The following CCSER1 variants were observed in gnomAD, a reference collection of about 807,000 sequenced individuals.
The protein encoded by CCSER1 is serine-rich coiled-coil domain-containing protein 1.
Under a neutral mutation model 82.0 loss-of-function variants are expected in CCSER1, and 41 were observed. The observed-to-expected ratio is 0.50, with a 90% CI of 0.39 to 0.65. The LOEUF (loss-of-function observed/expected upper bound fraction) is 0.65, where lower values mean the gene tolerates loss of function less well. CCSER1 is among the 30% of genes least tolerant of loss of function. The pLI is 0.00. For missense variants in CCSER1, 1,119 were observed against 1,064.2 expected, an observed-to-expected ratio of 1.05 and a Z score of -0.72; for synonymous variants, 414 against 383.9, an observed-to-expected ratio of 1.08 and a Z score of -0.92.
intron 4 of CCSER1, among the ~76,000 whole-genome samples, chr4:90,457,190 G>A (rs1762282123): frequency 6.6e-6 from 1 of 152,200 alleles, no homozygotes; most frequent in Non-Finnish European, 1.5e-5. Context: ...TCCACTGCAG[G>A]CACCAGGGAA....
At chr4:91,107,682 G>A (rs1297437596) in intron 10 of CCSER1, among the ~76,000 whole-genome samples, 1 of 143,308 alleles carries the variant, frequency 7.0e-6, no homozygotes, top group East Asian at 2.0e-4. Context: ...GAAAAAATTC[G>A]AATGATAAAA....
chr4:90,526,123 G>T (rs981750469), intron 5 of CCSER1, among the ~76,000 whole-genome samples: 2 of 151,962 alleles, frequency 1.3e-5, no homozygotes, highest in South Asian at 2.1e-4. Flanking sequence ...AATTGAGAAG[G>T]TATATGTAAT....
At chr4:91,359,526 T>G (rs2149310588) in intron 10 of CCSER1, among the ~76,000 whole-genome samples, 1 of 151,942 alleles carries the variant, frequency 6.6e-6, no homozygotes, top group South Asian at 2.1e-4. Flanking sequence ...TATTTTAGAG[T>G]AGTTTAATTT....
intron 10 of CCSER1, among the ~76,000 whole-genome samples, chr4:91,509,357 G>A (rs1343841975): frequency 6.6e-6 from 1 of 151,924 alleles, no homozygotes; most frequent in Non-Finnish European, 1.5e-5. Context: ...ATTTATAACT[G>A]TGTTATTTAA....
chr4:90,432,526 T>A (rs993527351), intron 4 of CCSER1, among the ~76,000 whole-genome samples: 9 of 152,152 alleles, frequency 5.9e-5, no homozygotes, highest in Non-Finnish European at 1.0e-4. Flanking sequence ...CTCCACCTTC[T>A]TGTTCTTCTT....
chr4:91,215,333 T>C (rs1193447337), intron 10 of CCSER1, among the ~76,000 whole-genome samples: 1 of 152,168 alleles, frequency 6.6e-6, no homozygotes, highest in South Asian at 2.1e-4. Context: ...AAAGATACTA[T>C]ACATATTTAT....
chr4:90,519,558 A>C (rs1458348449), intron 5 of CCSER1, among the ~76,000 whole-genome samples: 3 of 151,958 alleles, frequency 2.0e-5, no homozygotes, highest in Non-Finnish European at 4.4e-5. Context: ...AATTGGTATT[A>C]ATACATTATA....
chr4:91,243,073 G>A (rs1739493367), intron 10 of CCSER1, among the ~76,000 whole-genome samples: 1 of 152,196 alleles, frequency 6.6e-6, no homozygotes, highest in Admixed American at 6.5e-5. Context: ...CATGTAGCAT[G>A]GAGAGAGAAT....
intron 10 of CCSER1, among the ~76,000 whole-genome samples, chr4:91,593,114 C>A (rs1489320880): frequency 6.6e-6 from 1 of 152,094 alleles, no homozygotes; most frequent in Non-Finnish European, 1.5e-5. Flanking sequence ...TGCACATTGG[C>A]ATGATTATTG....
intron 10 of CCSER1, among the ~76,000 whole-genome samples, chr4:91,516,565 T>C (rs1488061728): frequency 6.6e-6 from 1 of 152,176 alleles, no homozygotes; most frequent in Non-Finnish European, 1.5e-5. Context: ...CATTGGTCTA[T>C]ATGTCTGTTT....
intron 6 of CCSER1, among the ~76,000 whole-genome samples, chr4:90,699,804 G>A (rs1163518132): frequency 6.6e-6 from 1 of 151,936 alleles, no homozygotes; most frequent in African/African-American, 2.4e-5. Context: ...ACCTTTGAGG[G>A]GTGATTCAGT....
At chr4:90,224,883 C>T (rs1476378193) in intron 1 of CCSER1, among the ~76,000 whole-genome samples, 1 of 152,050 alleles carries the variant, frequency 6.6e-6, no homozygotes, top group Non-Finnish European at 1.5e-5. Flanking sequence ...TTTCCAAGAA[C>T]ATCAGAGACT....
At chr4:90,264,722 G>T (rs1724948382) in intron 1 of CCSER1, among the ~76,000 whole-genome samples, 2 of 151,822 alleles carry the variant, frequency 1.3e-5, no homozygotes, top group South Asian at 2.1e-4. Flanking sequence ...GAGTTTGCTG[G>T]AATATTTTGA....
intron 5 of CCSER1, among the ~76,000 whole-genome samples, chr4:90,564,246 G>A (rs1437434234): frequency 6.6e-6 from 1 of 152,038 alleles, no homozygotes; most frequent in Non-Finnish European, 1.5e-5. Context: ...ATAGAGATGG[G>A]GGTCTCACTA....
intron 5 of CCSER1, among the ~76,000 whole-genome samples, chr4:90,520,267 A>AT (rs1456007515): frequency 6.6e-6 from 1 of 151,672 alleles, no homozygotes; most frequent in Non-Finnish European, 1.5e-5. Context: ...CTGTGTATAT[A>AT]TAGCAATTAT....
intron 6 of CCSER1, among the ~76,000 whole-genome samples, chr4:90,708,340 C>G (rs1029528174): frequency 2.0e-5 from 3 of 152,178 alleles, no homozygotes; most frequent in Non-Finnish European, 4.4e-5. Context: ...GCAGAACACA[C>G]GTTCTCTGCA....
chr4:90,136,182 C>A (rs1248500339), intron 1 of CCSER1, among the ~76,000 whole-genome samples: 1 of 152,052 alleles, frequency 6.6e-6, no homozygotes, highest in East Asian at 1.9e-4. Flanking sequence ...TAGTACTGCT[C>A]CTGTACTCAA....
intron 10 of CCSER1, among the ~76,000 whole-genome samples, chr4:91,586,270 T>G (rs941898639): frequency 2.6e-5 from 4 of 151,730 alleles, no homozygotes; most frequent in Non-Finnish European, 5.9e-5. Context: ...TGGAGGTAGA[T>G]ACACGAATGA....
intron 1 of CCSER1, among the ~76,000 whole-genome samples, chr4:90,128,599 C>A (rs1722262248): frequency 6.6e-6 from 1 of 152,084 alleles, no homozygotes; most frequent in African/African-American, 2.4e-5. Context: ...CCGCATGTGG[C>A]CCCCTGGCCC....
Sources: allele counts gnomAD v4.1 joint callset (sites outside exome capture counted in the v4.1 genomes callset), GRCh38; gene constraint gnomAD v4.1.1; transcripts MANE v1.5; gene names NCBI Gene and HGNC (gene_info 2026-07-23, HGNC 2026-07-21).